Variants in IMMP2L observed in about 807,000 individuals in gnomAD.
IMMP2L encodes the protein inner mitochondrial membrane peptidase subunit 2, also known as mitochondrial inner membrane protease subunit 2.
A neutral mutation model predicts 19.3 loss-of-function variants in IMMP2L; 18 were observed. The ratio of observed to expected loss-of-function variants is 0.93; its 90% CI spans 0.64 to 1.38. The LOEUF (loss-of-function observed/expected upper bound fraction) is 1.38. Ranked by LOEUF, IMMP2L falls within the 40% of genes most tolerant of loss-of-function variation. IMMP2L has a pLI of 0.00. For synonymous variants in IMMP2L, 76 were observed against 73.0 expected, an observed-to-expected ratio of 1.04 and a Z score of -0.21; for missense variants, 233 against 218.2, an observed-to-expected ratio of 1.07 and a Z score of -0.43.
At chr7:111,141,061 G>C (rs568021846) in intron 3 of IMMP2L, among the ~76,000 whole-genome samples, 57 of 152,246 alleles carry the variant, frequency 3.7e-4, no homozygotes, top group Non-Finnish European at 6.6e-4. Flanking sequence ...GAAAGAGTCA[G>C]GACTAGCACT....
rs115441610 is a variant in IMMP2L at position 111,411,224 on chromosome 7, T to C, written c.239+76014A>G. 1,409 of 176,264 alleles carry C rather than the reference T, an allele frequency of 8.0e-3. 63 individuals carry two copies. The highest frequency in any genetic ancestry group is 0.032 in the African/African-American group (1,349 of 41,788). 10.9% of individuals were successfully genotyped at this position (176,264 alleles called of 1,614,324 possible). On this transcript the variant is annotated intron_variant, in intron 3 of 5. Transcript: ENST00000405709. ...CAAGCTGGAAGGAAATGGAATGACA[T>C]TCTTAGAGTGCTGTTAGAAAAAAAC...
chr7:111,041,075 T>A (rs984937651), intron 3 of IMMP2L, among the ~76,000 whole-genome samples: 2 of 152,116 alleles, frequency 1.3e-5, no homozygotes, highest in African/African-American at 4.8e-5. Context: ...TATTTTGGTA[T>A]GATAATCTTC....
chr7:111,081,358 T>G (rs1795876002), intron 3 of IMMP2L, among the ~76,000 whole-genome samples: 1 of 152,214 alleles, frequency 6.6e-6, no homozygotes, highest in Non-Finnish European at 1.5e-5. Flanking sequence ...GTGTTTCACA[T>G]TTATAATTTT....
intron 4 of IMMP2L, among the ~76,000 whole-genome samples, chr7:110,951,871 A>G (rs1261332764): frequency 6.6e-6 from 1 of 152,170 alleles, no homozygotes; most frequent in East Asian, 1.9e-4. Flanking sequence ...TCTGTTCCCT[A>G]CATAAAATTC....
At chr7:111,105,674 A>G (rs1354013109) in intron 3 of IMMP2L, among the ~76,000 whole-genome samples, 2 of 151,760 alleles carry the variant, frequency 1.3e-5, no homozygotes, top group African/African-American at 4.8e-5. Context: ...TGACAGGTCT[A>G]TTTTCCCATA....
At chr7:110,981,273 GA>G (rs919584882) in intron 3 of IMMP2L, among the ~76,000 whole-genome samples, 5 of 151,588 alleles carry the variant, frequency 3.3e-5, no homozygotes, top group East Asian at 3.9e-4. Context: ...AATAAAAAAA[GA>G]AAAAAAGAAA....
chr7:110,940,128 C>G (rs893538651), intron 4 of IMMP2L, among the ~76,000 whole-genome samples: 9 of 151,842 alleles, frequency 5.9e-5, no homozygotes, highest in African/African-American at 1.9e-4. Flanking sequence ...ACCAGCCTGG[C>G]CAACATAGTG....
intron 3 of IMMP2L, among the ~76,000 whole-genome samples, chr7:111,038,209 A>C (rs1323872265): frequency 6.6e-6 from 1 of 152,210 alleles, no homozygotes; most frequent in African/African-American, 2.4e-5. Context: ...AAAGAAAGAG[A>C]GTAAGAATAC....
At chr7:111,017,461 G>T (rs1337721489) in intron 3 of IMMP2L, among the ~76,000 whole-genome samples, 2 of 152,104 alleles carry the variant, frequency 1.3e-5, no homozygotes, top group African/African-American at 2.4e-5. Flanking sequence ...TGGAAGGAGG[G>T]TAATGTATAC....
chr7:111,160,374 G>C (rs1274125164), intron 3 of IMMP2L, among the ~76,000 whole-genome samples: 1 of 151,984 alleles, frequency 6.6e-6, no homozygotes, highest in African/African-American at 2.4e-5. Context: ...ATACATATTA[G>C]AGTAGTCTAC....
chr7:110,693,279 A>G (rs1562920599), intron 5 of IMMP2L, among the ~76,000 whole-genome samples: 1 of 152,184 alleles, frequency 6.6e-6, no homozygotes, highest in East Asian at 1.9e-4. Flanking sequence ...ATATAGGAAA[A>G]TCGCATCTGT....
At chr7:111,378,139 GT>G (rs1272016446) in intron 3 of IMMP2L, among the ~76,000 whole-genome samples, 1 of 151,834 alleles carries the variant, frequency 6.6e-6, no homozygotes, top group Non-Finnish European at 1.5e-5. Context: ...TTACAATGTA[GT>G]TTGGCAGGTA....
In IMMP2L at chr7:111,451,629, G is replaced by C. The variant is rs551127407; in HGVS notation, c.239+35609C>G. ...CTAATGCTAGATGACGAGTTAGGGG[G>C]TGCAGCGCACCAGCATGGCACATGT... On this transcript the variant is annotated intron_variant, in intron 3 of 5. Coordinates refer to ENST00000405709, the MANE Select transcript of IMMP2L (RefSeq NM_032549.4). Among the ~76,000 whole-genome samples, 285 of 150,264 alleles carry C rather than the reference G, an allele frequency of 1.9e-3. 1 individual carries two copies. Among genetic ancestry groups the C allele is most frequent in the Admixed American group, 3.5e-3 (53 of 15,094 alleles).
chr7:111,112,738 T>C (rs1799387000), intron 3 of IMMP2L, among the ~76,000 whole-genome samples: 1 of 152,162 alleles, frequency 6.6e-6, no homozygotes, highest in South Asian at 2.1e-4. Flanking sequence ...AACAATCCCA[T>C]GCTTATTATA....
At chr7:110,867,023 A>G (rs1448606924) in intron 5 of IMMP2L, among the ~76,000 whole-genome samples, 1 of 152,042 alleles carries the variant, frequency 6.6e-6, no homozygotes, top group Admixed American at 6.6e-5. Context: ...AATCTTTTTT[A>G]TTCACACCAT....
intron 3 of IMMP2L, among the ~76,000 whole-genome samples, chr7:111,056,954 C>T (rs950862725): frequency 9.2e-5 from 14 of 152,010 alleles, no homozygotes; most frequent in Non-Finnish European, 1.9e-4. Context: ...CAAGGGTCAA[C>T]TGTATACAAG....
At position 111,428,086 on chromosome 7, in the gene IMMP2L, G is replaced by T. The variant is rs929764977; in HGVS notation, c.239+59152C>A. Among the ~76,000 whole-genome samples, 28 of 151,858 alleles carry T rather than the reference G, an allele frequency of 1.8e-4. 2 individuals carry two copies. The highest frequency in any genetic ancestry group is 6.8e-4 in the African/African-American group (28 of 41,174). On this transcript the variant is annotated intron_variant, in intron 3 of 5. Coordinates refer to ENST00000405709, the MANE Select transcript of IMMP2L (RefSeq NM_032549.4). ...CTGTACACCTCATTGGCTCAGTCCT[G>T]TCAGCAGATTGAGTGCATTTGAATC... is the stretch of plus-strand genomic sequence containing the variant.
intron 4 of IMMP2L, among the ~76,000 whole-genome samples, chr7:110,892,912 G>A (rs1585164829): frequency 1.3e-5 from 2 of 152,202 alleles, no homozygotes; most frequent in East Asian, 1.9e-4. Context: ...GTCTCTCTGT[G>A]AGAAATCTAC....
chr7:111,132,898 C>T (rs10278254), intron 3 of IMMP2L, among the ~76,000 whole-genome samples: 3,852 of 151,998 alleles, frequency 0.025, 165 homozygotes, highest in African/African-American at 0.088. Flanking sequence ...AATTGACATG[C>T]AGAAATATTT....
Sources: gnomAD v4.1 joint callset for allele counts (sites outside exome capture counted in the v4.1 genomes callset) on GRCh38, gnomAD v4.1.1 for gene constraint, MANE v1.5 for transcripts, NCBI Gene and HGNC (gene_info 2026-07-23, HGNC 2026-07-21) for gene names.